SPAG17: variants seen among roughly 807,000 people sequenced by gnomAD.
SPAG17 encodes the protein sperm associated antigen 17, also known as sperm-associated antigen 17.
In SPAG17, 169 loss-of-function variants were observed where a neutral mutation model predicts 273.6. That is an observed-to-expected ratio of 0.62 (90% CI 0.55 to 0.70). SPAG17 has a LOEUF of 0.70. Ranked by LOEUF, SPAG17 falls within the 30% of genes least tolerant of loss-of-function variation. SPAG17 has a pLI of 0.00. For missense variants in SPAG17, 2,557 were observed against 2,627.8 expected (o/e 0.97, Z 0.59); for synonymous variants, 825 against 873.2 (o/e 0.94, Z 0.97).
In SPAG17 at chr1:118,016,074, C is replaced by A. The variant is rs1406360521; in HGVS notation, c.4178G>T (p.Trp1393Leu). 2.5e-6 allele frequency: 4 copies of A among 1,613,876 alleles called. No individual in the cohort carries two copies. Among genetic ancestry groups the A allele is most frequent in the African/African-American group, 2.7e-5 (2 of 74,898 alleles). Residue 1393 changes from tryptophan (W) to leucine (L), a missense_variant, in exon 29 of 49, where the codon TGG becomes TTG. Transcript: ENST00000336338. ...VTPVEVHIGTWFTTTPEGNRI... is the reference protein window; with the variant it reads ...VTPVEVHIGTLFTTTPEGNRI... ...ATTTCCTTCAGGTGTGGTTGTAAAC[C>A]AGGTGCCTATGTGAACCTCCACAGG...
intron 27 of SPAG17, among the ~76,000 whole-genome samples, chr1:118,023,782 C>T (rs1041454624): frequency 5.3e-5 from 8 of 151,818 alleles, no homozygotes; most frequent in Non-Finnish European, 1.2e-4. Flanking sequence ...TTCTCCTTTG[C>T]GATTGGGAAA....
At chr1:117,969,436 G>T (rs1427144190) in intron 46 of SPAG17, among the ~76,000 whole-genome samples, 1 of 151,972 alleles carries the variant, frequency 6.6e-6, no homozygotes, top group African/African-American at 2.4e-5. Context: ...AAAATTAGCC[G>T]GACGTGGTGG....
intron 23 of SPAG17, among the ~76,000 whole-genome samples, chr1:118,037,161 A>G (rs536176714): frequency 6.6e-6 from 1 of 152,324 alleles, no homozygotes; most frequent in East Asian, 1.9e-4. Context: ...TTCATCTGGT[A>G]GGTCATCCAC....
At chr1:118,052,414 G>A (rs1463615130) in intron 20 of SPAG17, among the ~76,000 whole-genome samples, 1 of 151,754 alleles carries the variant, frequency 6.6e-6, no homozygotes, top group African/African-American at 2.4e-5. Context: ...GGATCGGGAA[G>A]ATGTTGGTCA....
intron 8 of SPAG17, among the ~76,000 whole-genome samples, chr1:118,092,456 C>T (rs1323532813): frequency 1.3e-5 from 2 of 152,222 alleles, no homozygotes; most frequent in African/African-American, 2.4e-5. Flanking sequence ...TCACTTTGCA[C>T]ATGCAGCCTG....
At chr1:117,982,501 A>C (rs1273161080) in intron 42 of SPAG17, among the ~76,000 whole-genome samples, 1 of 152,140 alleles carries the variant, frequency 6.6e-6, no homozygotes, top group Non-Finnish European at 1.5e-5. Flanking sequence ...TTGGCCTCCT[A>C]AAGTGCTGGG....
At chr1:118,121,199 T>G (rs75497306) in intron 3 of SPAG17, among the ~76,000 whole-genome samples, 1 of 152,006 alleles carries the variant, frequency 6.6e-6, no homozygotes, top group African/African-American at 2.4e-5. Flanking sequence ...CAGAGGAGGA[T>G]AAGCATCAGA....
intron 20 of SPAG17, among the ~76,000 whole-genome samples, chr1:118,050,766 C>T (rs1032153492): frequency 2.6e-5 from 4 of 152,146 alleles, no homozygotes; most frequent in Non-Finnish European, 2.9e-5. Context: ...CTTAAATGTA[C>T]GTCCTGAAAT....
At chr1:118,166,202 C>T (rs1211524114) in intron 1 of SPAG17, among the ~76,000 whole-genome samples, 1 of 152,108 alleles carries the variant, frequency 6.6e-6, no homozygotes, top group Non-Finnish European at 1.5e-5. Flanking sequence ...ACATTACAAT[C>T]ATATTTAACA....
chr1:118,081,032 GATTT>G (rs914331124), intron 15 of SPAG17, 65 bp downstream of exon 15: 8 of 1,219,860 alleles, frequency 6.6e-6, no homozygotes, highest in Admixed American at 4.0e-5. Context: ...AACATTTTTT[GATTT>G]ATGTGTACTA....
intron 47 of SPAG17, 123 bp from the exon 48 acceptor site, chr1:117,964,061 T>C (rs1019163532): frequency 2.6e-5 from 29 of 1,118,072 alleles, no homozygotes; most frequent in Non-Finnish European, 3.7e-5. Flanking sequence ...TAGGTAACTG[T>C]CTATCCAATG....
chr1:118,078,574 TAA>T (rs1198576653), intron 15 of SPAG17, among the ~76,000 whole-genome samples: 2 of 152,110 alleles, frequency 1.3e-5, no homozygotes, highest in Non-Finnish European at 2.9e-5. Context: ...TGCTTTTATC[TAA>T]AAGAGAAAAA....
chr1:118,088,199 C>T (rs1339310524), intron 10 of SPAG17, among the ~76,000 whole-genome samples: 1 of 152,126 alleles, frequency 6.6e-6, no homozygotes, highest in African/African-American at 2.4e-5. Context: ...AGTATCATCC[C>T]ATCACTCCTA....
chr1:118,168,718 A>C (rs1660286535), intron 1 of SPAG17, among the ~76,000 whole-genome samples: 1 of 152,242 alleles, frequency 6.6e-6, no homozygotes, highest in East Asian at 1.9e-4. Flanking sequence ...ACTAAAGGAG[A>C]TAACAAAGGT....
intron 37 of SPAG17, 128 bp from the exon 38 acceptor site, chr1:117,991,034 A>G: frequency 2.1e-6 from 1 of 487,682 alleles, no homozygotes. Context: ...AAATACTGAT[A>G]TAAAATTAAT....
intron 30 of SPAG17, among the ~76,000 whole-genome samples, chr1:118,011,376 G>A (rs1659452224): frequency 6.6e-6 from 1 of 152,130 alleles, no homozygotes; most frequent in Non-Finnish European, 1.5e-5. Flanking sequence ...ATACACCACG[G>A]AATACTATGC....
chr1:118,109,205 G>A (rs984503385), intron 4 of SPAG17, among the ~76,000 whole-genome samples: 1 of 150,120 alleles, frequency 6.7e-6, no homozygotes, highest in African/African-American at 2.4e-5. Context: ...GCAGTGGCGC[G>A]ATGTCAGCTC....
At chr1:118,111,260 C>T (rs1014469581) in intron 4 of SPAG17, among the ~76,000 whole-genome samples, 9 of 151,934 alleles carry the variant, frequency 5.9e-5, no homozygotes, top group African/African-American at 2.2e-4. Context: ...ATGGATAAGC[C>T]ATCTGGGGGG....
intron 3 of SPAG17, among the ~76,000 whole-genome samples, chr1:118,134,147 CT>C (rs1239320056): frequency 6.6e-6 from 1 of 152,118 alleles, no homozygotes; most frequent in Non-Finnish European, 1.5e-5. Flanking sequence ...AGTAATTCTA[CT>C]TTATGAAATT....
Sources: gnomAD v4.1 joint callset for allele counts (sites outside exome capture counted in the v4.1 genomes callset) on GRCh38, gnomAD v4.1.1 for gene constraint, MANE v1.5 for transcripts, NCBI Gene and HGNC (gene_info 2026-07-23, HGNC 2026-07-21) for gene names.